MXD1: variants seen among roughly 807,000 people sequenced by gnomAD.
MXD1 encodes the protein MAX dimerization protein 1.
Under a neutral mutation model 25.7 loss-of-function variants are expected in MXD1, and 9 were observed. The ratio of observed to expected loss-of-function variants is 0.35; its 90% CI spans 0.21 to 0.61. The LOEUF is 0.61. Among genes scored for constraint, MXD1 ranks in the 20% least tolerant of loss-of-function variants. The pLI is 0.75. For synonymous variants in MXD1, 99 were observed against 113.9 expected (o/e 0.87, Z 0.83); for missense variants, 227 against 292.4 (o/e 0.78, Z 1.63).
At chr2:69,933,465 G>C (rs1458182411) in intron 3 of MXD1, among the ~76,000 whole-genome samples, 1 of 151,650 alleles carries the variant, frequency 6.6e-6, no homozygotes, top group Non-Finnish European at 1.5e-5. Context: ...CTCTGACTCT[G>C]CCACATGGAC....
intron 3 of MXD1, 79 bp downstream of exon 3, chr2:69,921,844 T>G (rs1219799922): frequency 2.1e-6 from 3 of 1,423,496 alleles, no homozygotes; most frequent in Non-Finnish European, 2.9e-6. Flanking sequence ...TTGGTTGCTC[T>G]TTTTGACTCT....
rs1436633412 is a variant in MXD1 at position 69,938,214 on chromosome 2, A to G, written c.596A>G (p.Glu199Gly). 6.2e-7 allele frequency: 1 copy of G among 1,614,212 alleles called. No homozygotes were observed. Among genetic ancestry groups the G allele is most frequent in the African/African-American group, 1.3e-5 (1 of 75,058 alleles). The part of the protein sequence containing the change: ...RGSMQSLGSD[E>G]GYSSTSIKRI... ...AGCATGCAGAGCCTCGGCAGTGATG[A>G]GGGCTATTCCAGCACCAGCATCAAG... Residue 199 changes from glutamate (E) to glycine (G), a missense_variant, in exon 6 of 6, where the codon GAG becomes GGG. Transcript: ENST00000264444.
intron 5 of MXD1, 140 bp downstream of exon 5, chr2:69,937,534 T>C: frequency 1.3e-6 from 1 of 782,636 alleles, no homozygotes; most frequent in Non-Finnish European, 2.0e-6. Flanking sequence ...CAGTGTGACC[T>C]CCAGTGACAG....
chr2:69,919,931 C>T (rs1677031941), intron 2 of MXD1, among the ~76,000 whole-genome samples: 1 of 152,200 alleles, frequency 6.6e-6, no homozygotes, highest in South Asian at 2.1e-4. Flanking sequence ...CTGCCTCAGC[C>T]TCCCAAAGTG....
At chr2:69,916,280 T>C in intron 2 of MXD1, 60 bp downstream of exon 2, 1 of 992,824 alleles carries the variant, frequency 1.0e-6, no homozygotes, top group Non-Finnish European at 1.6e-6. Context: ...CACAAACTGC[T>C]GAATGTAAGT....
At position 69,935,483 on chromosome 2, in the gene MXD1, A is replaced by T. The variant is rs745670200; in HGVS notation, c.318+18A>T. Reference sequence around the variant, plus strand: ...ACATAAAGGTAAGTGTATTGTTGGGATGCTGCTTTATCTTTACCTGTTCAG... The same window carrying T: ...ACATAAAGGTAAGTGTATTGTTGGGTTGCTGCTTTATCTTTACCTGTTCAG... On this transcript the variant is annotated intron_variant, in intron 4 of 5. Transcript: ENST00000264444. 1.3e-6 allele frequency: 2 copies of T among 1,528,814 alleles called. No homozygotes were observed. Among genetic ancestry groups the T allele is most frequent in the Non-Finnish European group, 1.8e-6 (2 of 1,102,518 alleles). The allele number at this position is 1,528,814 out of a possible 1,614,324, so 94.7% of individuals were successfully genotyped here. A position where few individuals can be genotyped will look rare whatever the true frequency, so the allele number is the denominator to read the frequency against.
At chr2:69,935,494 T>C (rs1677408789) in intron 4 of MXD1, 29 bp downstream of exon 4, 2 of 1,453,074 alleles carry the variant, frequency 1.4e-6, no homozygotes, top group Admixed American at 1.7e-5. Context: ...TGCTGCTTTA[T>C]CTTTACCTGT....
intron 2 of MXD1, among the ~76,000 whole-genome samples, chr2:69,917,253 G>C (rs1211324544): frequency 6.6e-6 from 1 of 152,188 alleles, no homozygotes; most frequent in Non-Finnish European, 1.5e-5. Context: ...AGTATCGTTA[G>C]TGGAACCACA....
intron 3 of MXD1, among the ~76,000 whole-genome samples, chr2:69,933,208 A>G (rs1258614259): frequency 1.3e-5 from 2 of 150,720 alleles, no homozygotes; most frequent in Non-Finnish European, 3.0e-5. Context: ...CTCAAAAAAA[A>G]AAAAAAAAAA....
intron 3 of MXD1, among the ~76,000 whole-genome samples, chr2:69,923,235 G>A (rs933211521): frequency 1.3e-5 from 2 of 152,108 alleles, no homozygotes; most frequent in African/African-American, 2.4e-5. Context: ...CTCTGCACTC[G>A]TATGTTTCAA....
At chr2:69,918,102 T>G (rs1676994110) in intron 2 of MXD1, among the ~76,000 whole-genome samples, 1 of 152,212 alleles carries the variant, frequency 6.6e-6, no homozygotes, top group African/African-American at 2.4e-5. Flanking sequence ...CAAGCAATCA[T>G]AATGGAGAAA....
At chr2:69,925,539 G>GA (rs1677153621) in intron 3 of MXD1, among the ~76,000 whole-genome samples, 1 of 152,058 alleles carries the variant, frequency 6.6e-6, no homozygotes, top group Non-Finnish European at 1.5e-5. Flanking sequence ...TATCCATCTA[G>GA]ACTTTTGTGT....
rs953736349 is a variant in MXD1 at position 69,940,417 on chromosome 2, G to A, written c.*2133G>A. ...AGCGCCTCACAAGTCCACAATGCGG[G>A]ACAGCATCAAAAGCTCAAGACTTTG... On this transcript the variant is annotated 3_prime_UTR_variant, in exon 6 of 6. Transcript: ENST00000264444. 1 of 152,530 alleles carries A rather than the reference G, an allele frequency of 6.6e-6. No homozygotes were observed. Among genetic ancestry groups the A allele is most frequent in the African/African-American group, 2.4e-5 (1 of 41,430 alleles). 9.4% of individuals were successfully genotyped at this position (152,530 alleles called of 1,614,324 possible). A position where few individuals can be genotyped will look rare whatever the true frequency, so the allele number is the denominator to read the frequency against.
At chr2:69,929,996 T>A (rs991546875) in intron 3 of MXD1, among the ~76,000 whole-genome samples, 6 of 152,230 alleles carry the variant, frequency 3.9e-5, no homozygotes, top group Non-Finnish European at 7.3e-5. Context: ...GTCACACACA[T>A]CTATTCTTCT....
rs750197251 is a variant in MXD1, at chr2:69,916,207, A to C, written c.160A>C (p.Asn54His). The change falls in exon 2 of 6, where the codon AAC becomes CAC. Residue 54 changes from asparagine to histidine, a missense_variant. By Grantham distance (68) the Asn-to-His change is moderately conservative. Coordinates refer to ENST00000264444, the MANE Select transcript of MXD1 (RefSeq NM_002357.4). ...ACGGAGGAACAAATCCAAAAAGAAT[A>C]ACAGCAGTAGCAGGTAATTTGGTAA... Reference protein sequence around the residue: ...LKRRNKSKKNNSSSRSTHNEM... With the variant: ...LKRRNKSKKNHSSSRSTHNEM... 5 of 1,602,266 alleles carry C rather than the reference A, an allele frequency of 3.1e-6. No individual in the cohort carries two copies. In the South Asian group the frequency reaches 5.5e-5, roughly 18 times the overall value.
At chr2:69,924,045 G>A (rs1268444189) in intron 3 of MXD1, among the ~76,000 whole-genome samples, 1 of 152,306 alleles carries the variant, frequency 6.6e-6, no homozygotes, top group Non-Finnish European at 1.5e-5. Flanking sequence ...GCACCTCAGG[G>A]ATGTTTATTT....
chr2:69,916,451 A>G (rs1330855171), intron 2 of MXD1: 1 of 339,412 alleles, frequency 2.9e-6, no homozygotes, highest in Non-Finnish European at 5.3e-6. Flanking sequence ...ACTTTATTCA[A>G]AATTTAATTT....
intron 3 of MXD1, among the ~76,000 whole-genome samples, chr2:69,927,079 T>C (rs1028473906): frequency 6.6e-6 from 1 of 152,250 alleles, no homozygotes; most frequent in Non-Finnish European, 1.5e-5. Context: ...AGCTGTTATT[T>C]CCATTTGGTC....
chr2:69,923,200 C>G (rs1677104238), intron 3 of MXD1, among the ~76,000 whole-genome samples: 1 of 152,106 alleles, frequency 6.6e-6, no homozygotes, highest in Admixed American at 6.5e-5. Flanking sequence ...CTTAGCAATT[C>G]TGATTTAATT....
Sources: allele counts gnomAD v4.1 joint callset (sites outside exome capture counted in the v4.1 genomes callset), GRCh38; gene constraint gnomAD v4.1.1; transcripts MANE v1.5; gene names NCBI Gene and HGNC (gene_info 2026-07-23, HGNC 2026-07-21).